DSCAM: variants seen among roughly 807,000 people sequenced by gnomAD.
DSCAM encodes the protein DS cell adhesion molecule, also known as cell adhesion molecule DSCAM.
A neutral mutation model predicts 217.7 loss-of-function variants in DSCAM; 47 were observed. The observed-to-expected ratio is 0.22, with a 90% CI of 0.17 to 0.28. The LOEUF (loss-of-function observed/expected upper bound fraction) is 0.28, where lower values mean the gene tolerates loss of function less well. Among genes scored for constraint, DSCAM ranks in the 10% least tolerant of loss-of-function variants. The probability of loss-of-function intolerance (pLI) is 1.00; values close to 1 mark genes in which losing one functional copy is unlikely to be tolerated. For synonymous variants in DSCAM, 1,056 were observed against 1,015.3 expected (o/e 1.04, Z -0.76); for missense variants, 2,080 against 2,618.3 (o/e 0.79, Z 4.49).
intron 3 of DSCAM, among the ~76,000 whole-genome samples, chr21:40,665,822 C>T (rs997932677): frequency 2.6e-5 from 4 of 152,202 alleles, no homozygotes; most frequent in Admixed American, 1.3e-4. Context: ...ACACCCCCAT[C>T]TTATCCAGAA....
At chr21:40,805,785 T>C (rs376182933) in intron 1 of DSCAM, among the ~76,000 whole-genome samples, 2 of 152,048 alleles carry the variant, frequency 1.3e-5, no homozygotes, top group South Asian at 4.2e-4. Context: ...CTCGGCTCAC[T>C]GCAAGCTCCA....
At chr21:40,457,726 T>C (rs1278041939) in intron 3 of DSCAM, among the ~76,000 whole-genome samples, 5 of 152,180 alleles carry the variant, frequency 3.3e-5, no homozygotes, top group Non-Finnish European at 7.3e-5. Flanking sequence ...ATATGATATT[T>C]ACAATGTGAA....
chr21:40,426,536 A>G (rs1398457500), intron 3 of DSCAM, among the ~76,000 whole-genome samples: 3 of 152,216 alleles, frequency 2.0e-5, no homozygotes, highest in Non-Finnish European at 4.4e-5. Flanking sequence ...AAGGTTCATA[A>G]TGTAAATGGC....
chr21:40,358,850 T>C (rs1284499534), intron 4 of DSCAM, among the ~76,000 whole-genome samples: 1 of 149,392 alleles, frequency 6.7e-6, no homozygotes, highest in Non-Finnish European at 1.5e-5. Flanking sequence ...AAAGGCACCA[T>C]TTAGAAAGTG....
intron 3 of DSCAM, among the ~76,000 whole-genome samples, chr21:40,439,696 G>T (rs1036411032): frequency 6.6e-6 from 1 of 152,148 alleles, no homozygotes; most frequent in African/African-American, 2.4e-5. Flanking sequence ...CACGTGGCTG[G>T]GGAGCCCTCA....
At chr21:40,824,163 C>T (rs1307358094) in intron 1 of DSCAM, among the ~76,000 whole-genome samples, 1 of 152,060 alleles carries the variant, frequency 6.6e-6, no homozygotes, top group African/African-American at 2.4e-5. Context: ...AGTACCCAGC[C>T]GCCATCACTG....
At chr21:40,784,154 G>T (rs1050914226) in intron 1 of DSCAM, among the ~76,000 whole-genome samples, 2 of 151,632 alleles carry the variant, frequency 1.3e-5, no homozygotes, top group African/African-American at 4.8e-5. Flanking sequence ...GTTCTGCTCT[G>T]TGTCCCCACC....
intron 3 of DSCAM, among the ~76,000 whole-genome samples, chr21:40,511,388 T>TTA (rs1568865081): frequency 6.6e-6 from 1 of 152,178 alleles, no homozygotes; most frequent in Non-Finnish European, 1.5e-5. Flanking sequence ...AATTTCTTGA[T>TTA]TAGAGTATCC....
At chr21:40,820,039 T>TA (rs1214395122) in intron 1 of DSCAM, among the ~76,000 whole-genome samples, 1 of 151,958 alleles carries the variant, frequency 6.6e-6, no homozygotes, top group African/African-American at 2.4e-5. Context: ...TGCTTGTGAC[T>TA]AAAAAAAGCT....
intron 4 of DSCAM, among the ~76,000 whole-genome samples, chr21:40,359,903 T>G (rs369175749): frequency 3.3e-5 from 5 of 152,304 alleles, no homozygotes; most frequent in African/African-American, 1.2e-4. Context: ...CTAAAATTAT[T>G]GAATTGAATA....
intron 11 of DSCAM, among the ~76,000 whole-genome samples, chr21:40,203,420 TC>T: frequency 6.6e-6 from 1 of 152,306 alleles, no homozygotes; most frequent in East Asian, 1.9e-4. Context: ...GTCTGAATCA[TC>T]CCCCACCTGG....
chr21:40,385,467 C>T (rs976757504), intron 3 of DSCAM: 1 of 152,160 alleles, frequency 6.6e-6, no homozygotes, highest in Non-Finnish European at 1.5e-5. Flanking sequence ...CATTTCACTG[C>T]TGACAAGCAG....
At chr21:40,825,787 G>T (rs952383933) in intron 1 of DSCAM, among the ~76,000 whole-genome samples, 1 of 152,048 alleles carries the variant, frequency 6.6e-6, no homozygotes, top group Non-Finnish European at 1.5e-5. Flanking sequence ...AGGGCATAAT[G>T]CTTGTTGATC....
chr21:40,147,158 G>C (rs1331007614), intron 16 of DSCAM, among the ~76,000 whole-genome samples: 1 of 152,226 alleles, frequency 6.6e-6, no homozygotes, highest in Non-Finnish European at 1.5e-5. Flanking sequence ...CAGCAAGTTG[G>C]ATTCACAGTA....
chr21:40,364,084 T>C (rs1601588345), intron 4 of DSCAM, among the ~76,000 whole-genome samples: 1 of 152,230 alleles, frequency 6.6e-6, no homozygotes, highest in Non-Finnish European at 1.5e-5. Flanking sequence ...TTGGTGGGAC[T>C]GTAAACTAGT....
At chr21:40,751,482 C>T (rs2146562858) in intron 1 of DSCAM, among the ~76,000 whole-genome samples, 1 of 152,304 alleles carries the variant, frequency 6.6e-6, no homozygotes, top group East Asian at 1.9e-4. Context: ...AATGAACAAA[C>T]TACACACATC....
At chr21:40,515,427 G>A (rs954265952) in intron 3 of DSCAM, among the ~76,000 whole-genome samples, 3 of 152,072 alleles carry the variant, frequency 2.0e-5, no homozygotes, top group Admixed American at 6.6e-5. Context: ...TGTTACTGCT[G>A]AACAATTGGA....
chr21:40,066,441 C>T lies in DSCAM; in HGVS notation c.4889-3542G>A, dbSNP rs540724576. On this transcript the variant is annotated intron_variant, in intron 27 of 32. Transcript: ENST00000400454. ...CTAATTTTCTCAGCCACTCCTCATACGGAATGATTTCTAGGTAATTCCCTA... is the reference window on the plus strand; with the variant it reads ...CTAATTTTCTCAGCCACTCCTCATATGGAATGATTTCTAGGTAATTCCCTA... 6.6e-5 allele frequency among the ~76,000 whole-genome samples: 10 copies of T among 152,304 alleles called. 1 individual carries two copies. The highest frequency in any genetic ancestry group is 4.1e-4 in the South Asian group (2 of 4,828).
At chr21:40,386,549 C>G in intron 3 of DSCAM, among the ~76,000 whole-genome samples, 1 of 152,208 alleles carries the variant, frequency 6.6e-6, no homozygotes, top group East Asian at 1.9e-4. Flanking sequence ...CCACGGCACG[C>G]GTGGTGTGGG....
Sources: allele counts gnomAD v4.1 joint callset (sites outside exome capture counted in the v4.1 genomes callset), GRCh38; gene constraint gnomAD v4.1.1; transcripts MANE v1.5; gene names NCBI Gene and HGNC (gene_info 2026-07-23, HGNC 2026-07-21).